The following MYO9A variants were observed in gnomAD, a reference collection of about 807,000 sequenced individuals.
MYO9A encodes myosin IXA, also known as unconventional myosin-IXa.
In MYO9A, 103 loss-of-function variants were observed where a neutral mutation model predicts 293.3. The ratio of observed to expected loss-of-function variants is 0.35; its 90% CI spans 0.30 to 0.41. The LOEUF is 0.41. Among genes scored for constraint, MYO9A ranks in the 10% least tolerant of loss-of-function variants. The probability of loss-of-function intolerance (pLI) is 1.00; values close to 1 mark genes in which losing one functional copy is unlikely to be tolerated. For synonymous variants in MYO9A, 1,001 were observed against 1,035.7 expected, an observed-to-expected ratio of 0.97 and a Z score of 0.64; for missense variants, 2,685 against 3,033.0, an observed-to-expected ratio of 0.89 and a Z score of 2.69.
intron 2 of MYO9A, chr15:72,045,321 T>C (rs1178034872): frequency 1.3e-5 from 2 of 154,028 alleles, no homozygotes; most frequent in South Asian, 2.0e-4. Flanking sequence ...TAGAGTGCAA[T>C]GGCATGATCT....
Position 71,951,809 on chromosome 15 carries a change from T to G in MYO9A, c.2270A>C (p.Glu757Ala). Residue 757 changes from glutamate (E) to alanine (A), a missense_variant, in exon 15 of 42, where the codon GAG becomes GCG. Glu to Ala is a moderately radical substitution (Grantham distance 107). Coordinates refer to ENST00000356056, the MANE Select transcript of MYO9A (RefSeq NM_006901.4). Reference protein sequence around the residue: ...LQHPVHQRSLEILQRCKEEKY... With the variant: ...LQHPVHQRSLAILQRCKEEKY... ...CTCTTCCTTGCATCTCTGCAGAATC[T>G]CTAAGCTCCTCTGGTGGACTGGGTG... is the stretch of plus-strand genomic sequence containing the variant. 1.2e-6 allele frequency: 2 copies of G among 1,613,792 alleles called. No homozygotes were observed. Among genetic ancestry groups the G allele is most frequent in the Non-Finnish European group, 1.7e-6 (2 of 1,179,914 alleles).
chr15:71,903,245 A>T (rs2057535498), intron 21 of MYO9A, among the ~76,000 whole-genome samples, 182 bp from the exon 22 acceptor site: 1 of 152,182 alleles, frequency 6.6e-6, no homozygotes, highest in South Asian at 2.1e-4. Flanking sequence ...GGAGAAAGAT[A>T]TTGGGTTCTA....
intron 13 of MYO9A, among the ~76,000 whole-genome samples, chr15:71,961,007 T>C (rs895636487): frequency 5.3e-5 from 8 of 152,166 alleles, no homozygotes; most frequent in African/African-American, 1.9e-4. Flanking sequence ...ACTTCAGTTG[T>C]TTGTTCAGAT....
intron 13 of MYO9A, among the ~76,000 whole-genome samples, chr15:71,964,292 CT>C (rs1392395065): frequency 6.6e-6 from 1 of 152,104 alleles, no homozygotes; most frequent in East Asian, 1.9e-4. Context: ...TTTTTATACC[CT>C]TTCTCTAATT....
In MYO9A at chr15:71,827,002, A is replaced by G. The variant is rs757823027; in HGVS notation, c.7225T>C (p.Ser2409Pro). Reference sequence around the variant, plus strand: ...TTTCGCAACTTGCTGGAAGGTTCAGACTTGCCAGCTGTCTTCAGGGAGCTA... The same window carrying G: ...TTTCGCAACTTGCTGGAAGGTTCAGGCTTGCCAGCTGTCTTCAGGGAGCTA... The part of the protein sequence containing the change: ...ALSSLKTAGK[S>P]EPSSKLRKQL... Residue 2409 changes from serine (S) to proline (P), a missense_variant, in exon 42 of 42, where the codon TCT (serine) becomes CCT (proline). By Grantham distance (74) the Ser-to-Pro change is moderately conservative (BLOSUM62 -1). Transcript: ENST00000356056. 3.7e-6 allele frequency: 6 copies of G among 1,609,216 alleles called. No homozygotes were observed. The East Asian group carries it at 1.3e-4, about 36-fold the overall frequency.
At chr15:71,916,741 A>C (rs1382995565) in intron 18 of MYO9A, among the ~76,000 whole-genome samples, 1 of 152,228 alleles carries the variant, frequency 6.6e-6, no homozygotes, top group Non-Finnish European at 1.5e-5. Context: ...GTTTAAGTTT[A>C]CTAATAAAAG....
At chr15:72,052,354 G>T (rs1421112946) in intron 1 of MYO9A, among the ~76,000 whole-genome samples, 1 of 152,134 alleles carries the variant, frequency 6.6e-6, no homozygotes, top group Non-Finnish European at 1.5e-5. Flanking sequence ...AGTCTCCTCT[G>T]AGCTATTCTA....
At chr15:72,053,804 A>G (rs531894481) in intron 1 of MYO9A, among the ~76,000 whole-genome samples, 2 of 152,254 alleles carry the variant, frequency 1.3e-5, no homozygotes, top group Non-Finnish European at 2.9e-5. Flanking sequence ...CCTGAAACTA[A>G]AAGTTAAAAA....
rs1327441788 is a variant in MYO9A at position 72,080,731 on chromosome 15, T to C, written c.-71-34097A>G. Among the ~76,000 whole-genome samples the C allele has an allele frequency of 3.3e-5, 5 of 152,054 alleles. No individual in the cohort carries two copies. The South Asian group carries it at 6.2e-4, about 19-fold the overall frequency. ...ACCCAGGTATTAAGCCTAGTACCCA[T>C]TGGTTATTTTTCCTGATTCTCTCTC... is the stretch of plus-strand genomic sequence containing the variant. On this transcript the variant is annotated intron_variant, in intron 1 of 41. Transcript: ENST00000356056.
At chr15:71,910,337 T>C (rs1033439398) in intron 19 of MYO9A, among the ~76,000 whole-genome samples, 1 of 151,666 alleles carries the variant, frequency 6.6e-6, no homozygotes, top group African/African-American at 2.4e-5. Context: ...ACTATTAAAG[T>C]TCATATGAAT....
chr15:72,015,770 C>T (rs2077317340), intron 6 of MYO9A, among the ~76,000 whole-genome samples: 1 of 146,088 alleles, frequency 6.8e-6, no homozygotes, highest in African/African-American at 2.5e-5. Flanking sequence ...TCACTGCAAA[C>T]TCTGCCTCCC....
At chr15:72,026,153 G>A (rs578242742) in intron 4 of MYO9A, among the ~76,000 whole-genome samples, 10 of 151,300 alleles carry the variant, frequency 6.6e-5, no homozygotes, top group Admixed American at 3.3e-4. Flanking sequence ...GGCGCCTGTA[G>A]TCCCAGCTAC....
Position 71,899,787 on chromosome 15 carries a change from C to T in MYO9A, c.3370G>A (p.Ala1124Thr). 1 of 1,614,128 alleles carries T rather than the reference C, an allele frequency of 6.2e-7. No homozygotes were observed. The highest frequency in any genetic ancestry group is 1.1e-5 in the South Asian group (1 of 91,082). ...CTTTCCCTGTAGGCTTTCCATCTTG[C>T]TTGTATGCAAATAGCAGCCATGTGC... ...RRHMAAICIQ[A>T]RWKAYRESKR... Residue 1124 changes from alanine (A) to threonine (T), a missense_variant, in exon 24 of 42, where the codon GCA becomes ACA. Physicochemically the swap from Ala to Thr is moderately conservative, Grantham distance 58 (BLOSUM62 0). This residue lies in a region of MYO9A where 1,434 missense variants were observed against 1,497.7 expected (regional missense o/e 0.96). Transcript: ENST00000356056.
intron 32 of MYO9A, among the ~76,000 whole-genome samples, chr15:71,875,115 T>A (rs1361528539): frequency 6.6e-6 from 1 of 152,000 alleles, no homozygotes. Flanking sequence ...AACCACATAA[T>A]ATATATGTGA....
intron 22 of MYO9A, among the ~76,000 whole-genome samples, chr15:71,902,557 A>G (rs145236210): frequency 1.5e-3 from 235 of 152,296 alleles, no homozygotes; most frequent in African/African-American, 5.0e-3. Context: ...TTGTGAAAGG[A>G]TTAAAGTGAA....
Position 71,898,616 on chromosome 15 carries a change from C to A in MYO9A, c.3887G>T (p.Gly1296Val), listed in dbSNP as rs1363329083. 6.2e-7 allele frequency: 1 copy of A among 1,614,132 alleles called. No individual in the cohort carries two copies. Among genetic ancestry groups the A allele is most frequent in the Middle Eastern group, 1.6e-4 (1 of 6,062 alleles). Reference protein sequence around the residue: ...SLELLKVRSLGGISPSEDRRW... With the variant: ...SLELLKVRSLVGISPSEDRRW... ...GCGATCCTCTGAAGGAGAAATACCACCAAGAGAACGAACTTTCAGCAATTC... is the reference window on the plus strand; with the variant it reads ...GCGATCCTCTGAAGGAGAAATACCAACAAGAGAACGAACTTTCAGCAATTC... Residue 1296 changes from glycine (G) to valine (V), a missense_variant, in exon 25 of 42, where the codon GGT (glycine) becomes GTT (valine). Transcript: ENST00000356056.
intron 1 of MYO9A, among the ~76,000 whole-genome samples, chr15:72,065,006 A>G (rs1304868935): frequency 1.3e-5 from 2 of 152,330 alleles, no homozygotes; most frequent in East Asian, 3.9e-4. Flanking sequence ...GAGAGACACA[A>G]GAGAATCCAG....
chr15:71,928,324 G>A (rs75196952), intron 18 of MYO9A, among the ~76,000 whole-genome samples: 2 of 150,700 alleles, frequency 1.3e-5, no homozygotes, highest in Non-Finnish European at 3.0e-5. Context: ...TGATCCACCC[G>A]CCTCGGCCTC....
At chr15:71,833,850 T>C (rs1323565625) in intron 39 of MYO9A, among the ~76,000 whole-genome samples, 3 of 152,032 alleles carry the variant, frequency 2.0e-5, no homozygotes, top group Admixed American at 6.6e-5. Context: ...TGAAACAATA[T>C]AAAAACCCAT....
Sources: allele counts gnomAD v4.1 joint callset (sites outside exome capture counted in the v4.1 genomes callset), GRCh38; gene constraint gnomAD v4.1.1; regional missense constraint gnomAD v4.1.1; transcripts MANE v1.5; gene names NCBI Gene and HGNC (gene_info 2026-07-23, HGNC 2026-07-21).